SLC18A1: variants seen among roughly 807,000 people sequenced by gnomAD.
SLC18A1 encodes chromaffin granule amine transporter.
Under a neutral mutation model 53.7 loss-of-function variants are expected in SLC18A1, and 69 were observed. The observed-to-expected ratio is 1.28, with a 90% CI of 1.06 to 1.57. SLC18A1 has a LOEUF of 1.57. Ranked by LOEUF, SLC18A1 falls within the 40% of genes most tolerant of loss-of-function variation. SLC18A1 has a pLI of 0.00. For missense variants in SLC18A1, 932 were observed against 668.1 expected (o/e 1.40, Z -4.35); for synonymous variants, 320 against 248.1 (o/e 1.29, Z -2.72).
intron 8 of SLC18A1, among the ~76,000 whole-genome samples, chr8:20,167,176 T>A (rs981337690): frequency 1.3e-5 from 2 of 149,160 alleles, no homozygotes; most frequent in African/African-American, 2.5e-5. Context: ...GAATTTCAAA[T>A]GTATCATGCA....
intron 8 of SLC18A1, among the ~76,000 whole-genome samples, chr8:20,168,044 G>A (rs1182816059): frequency 6.6e-6 from 1 of 152,106 alleles, no homozygotes; most frequent in Non-Finnish European, 1.5e-5. Context: ...GTATCGAAAA[G>A]TAAAACATTA....
At chr8:20,171,588 GC>G in intron 6 of SLC18A1, 94 bp from the exon 7 acceptor site, 1 of 959,336 alleles carries the variant, frequency 1.0e-6, no homozygotes, top group East Asian at 2.5e-5. Flanking sequence ...TTTGCAGAAG[GC>G]CTGCTAGGGG....
rs1447467323 is a variant in SLC18A1, at chr8:20,180,990, TC to T, written c.-27del. ...GGTGATGGCCGGACTGGGGCAGTCTTCCCCTGCGGGCTCTTAGGGAAGGTCC... is the reference window on the plus strand; with the variant it reads ...GGTGATGGCCGGACTGGGGCAGTCTTCCCTGCGGGCTCTTAGGGAAGGTCC... On this transcript the variant is annotated 5_prime_UTR_variant, in exon 2 of 16. Transcript: ENST00000276373. 1.3e-6 allele frequency: 2 copies of T among 1,554,882 alleles called. No homozygotes were observed. The highest frequency in any genetic ancestry group is 1.2e-5 in the South Asian group (1 of 84,634).
Position 20,176,846 on chromosome 8 carries a change from A to T in SLC18A1, c.547+1589T>A, listed in dbSNP as rs560503757. Among the ~76,000 whole-genome samples, 572 of 152,368 alleles carry T rather than the reference A, an allele frequency of 3.8e-3. 2 individuals are homozygous for T. Among genetic ancestry groups the T allele is most frequent in the Non-Finnish European group, 4.3e-3 (291 of 68,040 alleles). On this transcript the variant is annotated intron_variant, in intron 4 of 15. Transcript: ENST00000276373. ...AGTTTACTTTAAAAGTAAAGCTTTT[A>T]ACACATGAATTCTTGGCAGAGAATC...
rs545991718 is a variant in SLC18A1 at position 20,179,400 on chromosome 8, G to T, written c.209C>A (p.Pro70Gln). The change falls in exon 3 of 16, where the codon CCA becomes CAA. Residue 70 changes from proline to glutamine, a missense_variant. Pro to Gln is a moderately conservative substitution (Grantham distance 76). Transcript: ENST00000276373. ...SLHLGHAGSS[P>Q]HALASPAFST... ...AAAGGCAGGAGAGGCGAGGGCATGTGGGGAACTTCCGGCATGGCCGAGGTG... is the reference window on the plus strand; with the variant it reads ...AAAGGCAGGAGAGGCGAGGGCATGTTGGGAACTTCCGGCATGGCCGAGGTG... The T allele has an allele frequency of 1.2e-6, 2 of 1,613,906 alleles. No homozygotes were observed. Among genetic ancestry groups the T allele is most frequent in the East Asian group, 2.2e-5 (1 of 44,888 alleles).
chr8:20,150,973 G>C, intron 10 of SLC18A1: 1 of 512,564 alleles, frequency 2.0e-6, no homozygotes, highest in Non-Finnish European at 3.5e-6. Flanking sequence ...TTTTCTTTTT[G>C]TTTTCTTTCT....
chr8:20,180,584 C>T (rs919577537), intron 2 of SLC18A1, among the ~76,000 whole-genome samples: 13 of 152,174 alleles, frequency 8.5e-5, no homozygotes, highest in Non-Finnish European at 1.2e-4. Flanking sequence ...GTTCTGGCTC[C>T]GGGCCATCCT....
At chr8:20,150,440 T>C (rs1460260066) in intron 11 of SLC18A1, among the ~76,000 whole-genome samples, 11 of 152,204 alleles carry the variant, frequency 7.2e-5, no homozygotes, top group Admixed American at 7.2e-4. Flanking sequence ...CCCTCATGTA[T>C]CCACTGCCTC....
chr8:20,179,890 G>A (rs917281841), intron 2 of SLC18A1, among the ~76,000 whole-genome samples: 3 of 152,122 alleles, frequency 2.0e-5, no homozygotes, highest in Non-Finnish European at 4.4e-5. Flanking sequence ...GACATGTCCA[G>A]CTCTCACACA....
At chr8:20,160,384 C>T (rs2071795667) in intron 10 of SLC18A1, among the ~76,000 whole-genome samples, 2 of 150,466 alleles carry the variant, frequency 1.3e-5, no homozygotes, top group South Asian at 4.3e-4. Context: ...TCTTTAGGAC[C>T]TGATTATAGC....
Position 20,176,395 on chromosome 8 carries a change from T to A in SLC18A1, c.548-1951A>T, listed in dbSNP as rs533129326. 2.5e-3 allele frequency among the ~76,000 whole-genome samples: 381 copies of A among 152,300 alleles called. 3 individuals carry two copies. Among genetic ancestry groups the A allele is most frequent in the African/African-American group, 8.9e-3 (370 of 41,560 alleles). On this transcript the variant is annotated intron_variant, in intron 4 of 15. Transcript: ENST00000276373. ...GCTTCTTGTAGAGCCTGCAGAACCA[T>A]GAGCCAACAAACCTCTTTCTAATAT...
At chr8:20,147,576 G>A in intron 14 of SLC18A1, 27 bp downstream of exon 14, 1 of 1,613,274 alleles carries the variant, frequency 6.2e-7, no homozygotes, top group Non-Finnish European at 8.5e-7. Flanking sequence ...ACAGGGGAAA[G>A]TGGGGCACCA....
chr8:20,170,951 A>G, intron 8 of SLC18A1, 152 bp downstream of exon 8: 1 of 720,696 alleles, frequency 1.4e-6, no homozygotes, highest in Non-Finnish European at 2.3e-6. Context: ...ACTACCTGAA[A>G]CGTAACCCTA....
intron 6 of SLC18A1, 61 bp downstream of exon 6, chr8:20,172,975 G>A: frequency 8.1e-7 from 1 of 1,235,738 alleles, no homozygotes; most frequent in South Asian, 1.3e-5. Context: ...TACACCTCGG[G>A]AACACCTGCT....
At chr8:20,179,010 A>G (rs1390937) in intron 3 of SLC18A1, 111 bp downstream of exon 3, 709,505 of 1,305,018 alleles carry the variant, frequency 0.54, 195,965 homozygotes, top group Non-Finnish European at 0.57. Flanking sequence ...GACTCCCCTG[A>G]GGAATCATAC....
intron 10 of SLC18A1, among the ~76,000 whole-genome samples, chr8:20,158,343 T>C (rs1305967473): frequency 2.0e-5 from 3 of 152,208 alleles, no homozygotes; most frequent in African/African-American, 7.2e-5. Flanking sequence ...TAATTATGCC[T>C]GAAGGCCCCA....
chr8:20,148,238 T>C (rs1200170101), intron 12 of SLC18A1, among the ~76,000 whole-genome samples, 168 bp from the exon 13 acceptor site: 5 of 152,204 alleles, frequency 3.3e-5, no homozygotes, highest in African/African-American at 9.7e-5. Context: ...ATACCTCCAT[T>C]TTAAGGATAT....
chr8:20,147,572 G>A lies in SLC18A1; in HGVS notation c.1330+31C>T, dbSNP rs10112060. ...TCCAGCTGGTAAAGAGTAGACAGGG[G>A]AAAGTGGGGCACCAGGTCCTGCCAA... On this transcript the variant is annotated intron_variant, in intron 14 of 15. Transcript: ENST00000276373. 1.2e-3 allele frequency: 1,943 copies of A among 1,613,056 alleles called. 20 individuals are homozygous for A. In the African/African-American group the frequency reaches 0.023, roughly 19 times the overall value.
intron 4 of SLC18A1, among the ~76,000 whole-genome samples, chr8:20,177,485 G>C (rs1020010119): frequency 6.6e-6 from 1 of 152,200 alleles, no homozygotes; most frequent in African/African-American, 2.4e-5. Context: ...ACCGGGGCCT[G>C]TCATGGAGTC....
Sources: gnomAD v4.1 joint callset for allele counts (sites outside exome capture counted in the v4.1 genomes callset) on GRCh38, gnomAD v4.1.1 for gene constraint, MANE v1.5 for transcripts, NCBI Gene and HGNC (gene_info 2026-07-23, HGNC 2026-07-21) for gene names.